The following SHLD1 variants were observed in gnomAD, a reference collection of about 807,000 sequenced individuals.
The protein encoded by SHLD1 is shieldin complex subunit 1.
In SHLD1, 3 loss-of-function variants were observed where a neutral mutation model predicts 5.5. The observed-to-expected ratio is 0.54, with a 90% CI of 0.25 to 1.40. The LOEUF (loss-of-function observed/expected upper bound fraction) is 1.40. SHLD1 is among the 40% of genes most tolerant of loss of function. The pLI is 0.15. For missense variants in SHLD1, 210 were observed against 244.4 expected (o/e 0.86, Z 0.94); for synonymous variants, 92 against 94.3 (o/e 0.98, Z 0.14).
intron 2 of SHLD1, among the ~76,000 whole-genome samples, chr20:5,844,793 ATATATATT>A (rs1199872434): frequency 4.2e-5 from 4 of 96,196 alleles, no homozygotes; most frequent in African/African-American, 2.8e-4. Context: ...ATATATATAT[ATATATATT>A]TTTTTTTTTT....
chr20:5,789,560 A>T, intron 2 of SHLD1, among the ~76,000 whole-genome samples: 1 of 149,386 alleles, frequency 6.7e-6, no homozygotes, highest in African/African-American at 2.5e-5. Flanking sequence ...CTGGGTGACA[A>T]GAGCAAAACT....
chr20:5,833,231 T>C (rs2087750611), intron 2 of SHLD1, among the ~76,000 whole-genome samples: 1 of 152,246 alleles, frequency 6.6e-6, no homozygotes, highest in South Asian at 2.1e-4. Flanking sequence ...TGCTTTAGAC[T>C]CCTGAAATAT....
intron 2 of SHLD1, among the ~76,000 whole-genome samples, chr20:5,859,705 C>A (rs1016610593): frequency 6.6e-6 from 1 of 152,162 alleles, no homozygotes; most frequent in Non-Finnish European, 1.5e-5. Context: ...AAAAGGAAAT[C>A]AAAAACTGAA....
Position 5,790,539 on chromosome 20 carries a change from G to A in SHLD1, c.178+17496G>A, listed in dbSNP as rs1056527985. Among the ~76,000 whole-genome samples the A allele has an allele frequency of 5.6e-5, 8 of 141,608 alleles. No individual in the cohort carries two copies. In the East Asian group the frequency reaches 8.7e-4, roughly 15 times the overall value. 92.9% of individuals were successfully genotyped at this position (141,608 alleles called of 152,430 possible). On this transcript the variant is annotated intron_variant, in intron 2 of 2. Coordinates refer to ENST00000303142, the MANE Select transcript of SHLD1 (RefSeq NM_152504.4). ...GCGATCTCGGCTCACTGCAAACTCC[G>A]CCCCCTGGGTTCAAGCTATTCTCCC...
At chr20:5,854,133 GA>G (rs2088050468) in intron 2 of SHLD1, among the ~76,000 whole-genome samples, 1 of 151,862 alleles carries the variant, frequency 6.6e-6, no homozygotes, top group African/African-American at 2.4e-5. Context: ...AGCCTCCCAA[GA>G]AGCTGAGATT....
intron 2 of SHLD1, among the ~76,000 whole-genome samples, chr20:5,795,224 G>A (rs1439257563): frequency 6.7e-6 from 1 of 149,316 alleles, no homozygotes; most frequent in African/African-American, 2.5e-5. Flanking sequence ...GAGGGATAGA[G>A]TGAGACTCTG....
At chr20:5,756,802 G>A in intron 1 of SHLD1, 1 of 287,624 alleles carries the variant, frequency 3.5e-6, no homozygotes, top group Non-Finnish European at 7.0e-6. Flanking sequence ...CCAAAGTGTT[G>A]GGATTACAGG....
At chr20:5,809,120 G>A (rs1349831706) in intron 2 of SHLD1, among the ~76,000 whole-genome samples, 2 of 151,914 alleles carry the variant, frequency 1.3e-5, no homozygotes, top group African/African-American at 2.4e-5. Flanking sequence ...TGTTGGGGGT[G>A]GATTTTTCTT....
At chr20:5,764,755 G>A (rs2122214373) in intron 1 of SHLD1, among the ~76,000 whole-genome samples, 1 of 152,198 alleles carries the variant, frequency 6.6e-6, no homozygotes, top group African/African-American at 2.4e-5. Flanking sequence ...GTAGAAAGTT[G>A]GATAGATGGA....
intron 2 of SHLD1, among the ~76,000 whole-genome samples, chr20:5,811,172 A>G (rs1219354510): frequency 2.0e-5 from 3 of 152,114 alleles, no homozygotes; most frequent in African/African-American, 7.2e-5. Context: ...TTCTCTCCAA[A>G]TTACGTACCA....
At chr20:5,757,020 A>G (rs1305844359) in intron 1 of SHLD1, among the ~76,000 whole-genome samples, 1 of 150,480 alleles carries the variant, frequency 6.6e-6, no homozygotes, top group Non-Finnish European at 1.5e-5. Flanking sequence ...GTCTTTTACC[A>G]TGAAGTATGG....
At chr20:5,783,742 A>G (rs1162271777) in intron 2 of SHLD1, among the ~76,000 whole-genome samples, 1 of 152,182 alleles carries the variant, frequency 6.6e-6, no homozygotes, top group African/African-American at 2.4e-5. Context: ...CTCTTTAGGA[A>G]CTACAAGTTT....
chr20:5,824,009 G>T (rs909792199), intron 2 of SHLD1, among the ~76,000 whole-genome samples: 2 of 152,170 alleles, frequency 1.3e-5, no homozygotes, highest in Non-Finnish European at 2.9e-5. Context: ...CTTTCCAGCA[G>T]CAGCACCAGA....
intron 1 of SHLD1, among the ~76,000 whole-genome samples, chr20:5,757,071 CTTTTTTT>C (rs753877287): frequency 1.6e-5 from 2 of 123,226 alleles, no homozygotes; most frequent in Non-Finnish European, 3.4e-5. Flanking sequence ...TTCTTTCTTT[CTTTTTTT>C]TTTTTTTTTT....
intron 2 of SHLD1, among the ~76,000 whole-genome samples, chr20:5,780,837 A>G (rs890169980): frequency 6.6e-6 from 1 of 152,120 alleles, no homozygotes; most frequent in Non-Finnish European, 1.5e-5. Flanking sequence ...TCAGATGCCA[A>G]TGATCTTCCC....
intron 2 of SHLD1, among the ~76,000 whole-genome samples, chr20:5,857,949 A>G (rs56313904): frequency 0.02 from 3,086 of 152,200 alleles, 52 homozygotes; most frequent in Middle Eastern, 0.044. Context: ...AATACAAAAA[A>G]TTAGCCGGGC....
In SHLD1 at chr20:5,843,998, C is replaced by T. The variant is rs539526696; in HGVS notation, c.179-19026C>T. The stretch of plus-strand genomic sequence containing the variant: ...TTCCTTTTCTGCGTAAGTTGTATCA[C>T]GCAAATTTTAGATTTTGTGGCTTTT... On this transcript the variant is annotated intron_variant, in intron 2 of 2. Coordinates refer to ENST00000303142, the MANE Select transcript of SHLD1 (RefSeq NM_152504.4). Among the ~76,000 whole-genome samples the T allele has an allele frequency of 5.3e-5, 8 of 152,294 alleles. No individual in the cohort carries two copies. The East Asian group carries it at 5.8e-4, about 11-fold the overall frequency.
chr20:5,830,265 C>T (rs867366697), intron 2 of SHLD1, among the ~76,000 whole-genome samples: 6 of 152,228 alleles, frequency 3.9e-5, no homozygotes, highest in Non-Finnish European at 5.9e-5. Context: ...GTTCACATCA[C>T]GGAATACTAT....
At chr20:5,844,799 ATT>A (rs1161478171) in intron 2 of SHLD1, among the ~76,000 whole-genome samples, 2,174 of 71,506 alleles carry the variant, frequency 0.03, 19 homozygotes, top group Non-Finnish European at 0.046. Context: ...ATATATATAT[ATT>A]TTTTTTTTTT....
Sources: gnomAD v4.1 joint callset for allele counts (sites outside exome capture counted in the v4.1 genomes callset) on GRCh38, gnomAD v4.1.1 for gene constraint, MANE v1.5 for transcripts, NCBI Gene and HGNC (gene_info 2026-07-23, HGNC 2026-07-21) for gene names.